GPBP1: variants seen among roughly 807,000 people sequenced by gnomAD.
GPBP1 encodes vasculin.
A neutral mutation model predicts 56.5 loss-of-function variants in GPBP1; 13 were observed. That is an observed-to-expected ratio of 0.23 (90% CI 0.15 to 0.37). The LOEUF (loss-of-function observed/expected upper bound fraction) is 0.37. Among genes scored for constraint, GPBP1 ranks in the 10% least tolerant of loss-of-function variants. The probability of loss-of-function intolerance (pLI) is 1.00; values close to 1 mark genes in which losing one functional copy is unlikely to be tolerated. For synonymous variants in GPBP1, 204 were observed against 188.9 expected (o/e 1.08, Z -0.66); for missense variants, 477 against 572.3 (o/e 0.83, Z 1.70).
At chr5:57,221,829 C>T (rs1272493580) in intron 3 of GPBP1, among the ~76,000 whole-genome samples, 2 of 152,128 alleles carry the variant, frequency 1.3e-5, no homozygotes, top group African/African-American at 4.8e-5. Flanking sequence ...CTAAAAGGAT[C>T]AGAAAATTCA....
At chr5:57,243,977 C>T (rs986082250) in intron 6 of GPBP1, among the ~76,000 whole-genome samples, 4 of 152,100 alleles carry the variant, frequency 2.6e-5, no homozygotes, top group African/African-American at 9.7e-5. Flanking sequence ...GCATGAGCCA[C>T]CACACCCAGC....
intron 2 of GPBP1, among the ~76,000 whole-genome samples, chr5:57,196,941 C>T (rs1754790669): frequency 6.6e-6 from 1 of 152,000 alleles, no homozygotes. Flanking sequence ...ACCACCATAC[C>T]TGGCTAATTT....
intron 5 of GPBP1, among the ~76,000 whole-genome samples, chr5:57,233,836 A>C (rs1403042856): frequency 6.6e-6 from 1 of 152,230 alleles, no homozygotes; most frequent in Non-Finnish European, 1.5e-5. Flanking sequence ...GGGAATGGTA[A>C]TAGTACTCTC....
chr5:57,189,686 TAAA>T (rs1342636004), intron 2 of GPBP1, among the ~76,000 whole-genome samples: 4 of 152,252 alleles, frequency 2.6e-5, no homozygotes, highest in East Asian at 1.9e-4. Context: ...TTATTGTGCT[TAAA>T]ACCCTTTAAT....
At chr5:57,239,716 T>G (rs11748841) in intron 6 of GPBP1, among the ~76,000 whole-genome samples, 152,321 of 152,324 alleles carry the variant, frequency 1, 76,159 homozygotes, top group Middle Eastern at 1. Flanking sequence ...GGAGGCAGAG[T>G]TTGCAGTGAG....
At chr5:57,228,067 C>T (rs1756273810) in intron 3 of GPBP1, among the ~76,000 whole-genome samples, 1 of 152,130 alleles carries the variant, frequency 6.6e-6, no homozygotes, top group Non-Finnish European at 1.5e-5. Context: ...AGACTTAAGG[C>T]TTTAAAAAAT....
chr5:57,181,360 G>A (rs187877599), intron 2 of GPBP1, among the ~76,000 whole-genome samples: 145 of 151,610 alleles, frequency 9.6e-4, no homozygotes, highest in Middle Eastern at 3.4e-3. Context: ...TTAAAGAGAT[G>A]AGGCCGGATG....
chr5:57,222,179 C>T (rs769668991), intron 3 of GPBP1, among the ~76,000 whole-genome samples: 4 of 152,016 alleles, frequency 2.6e-5, no homozygotes, highest in South Asian at 2.1e-4. Context: ...GAAAGAAAGG[C>T]AGTGTAAGAG....
At chr5:57,237,447 A>G (rs1185696946) in intron 6 of GPBP1, 4 of 371,686 alleles carry the variant, frequency 1.1e-5, no homozygotes, top group South Asian at 8.7e-5. Flanking sequence ...ATGTATTAAT[A>G]TGAAGATTTT....
At chr5:57,223,185 G>T (rs1445380259) in intron 3 of GPBP1, among the ~76,000 whole-genome samples, 1 of 151,972 alleles carries the variant, frequency 6.6e-6, no homozygotes, top group Non-Finnish European at 1.5e-5. Context: ...TGTTACCCAG[G>T]CTGGTCTTGA....
At chr5:57,254,712 G>A (rs1478056003) in intron 10 of GPBP1, among the ~76,000 whole-genome samples, 1 of 150,518 alleles carries the variant, frequency 6.6e-6, no homozygotes, top group East Asian at 1.9e-4. Context: ...AAAAAAAAGA[G>A]TAAGTTTTGT....
At position 57,250,811 on chromosome 5, in the gene GPBP1, C is replaced by G. The variant is rs202211778; in HGVS notation, c.973-143C>G. 6.9e-6 allele frequency: 4 copies of G among 575,766 alleles called. No individual in the cohort carries two copies. The East Asian group carries it at 1.3e-4, about 19-fold the overall frequency. The allele number at this position is 575,766 out of a possible 1,614,324, so 35.7% of individuals were successfully genotyped here. A position where few individuals can be genotyped will look rare whatever the true frequency, so the allele number is the denominator to read the frequency against. On this transcript the variant is annotated intron_variant, in intron 9 of 11. Transcript: ENST00000506184. ...CCACCCGCCTTGGCCTTCCAAAGTG[C>G]TGGGATTACAGGGGTGAGCCACTGC...
At chr5:57,208,722 T>C (rs1755348532) in intron 2 of GPBP1, among the ~76,000 whole-genome samples, 1 of 150,238 alleles carries the variant, frequency 6.7e-6, no homozygotes, top group African/African-American at 2.5e-5. Context: ...AATGGCGTGA[T>C]CTCGGCTCAC....
intron 2 of GPBP1, among the ~76,000 whole-genome samples, chr5:57,212,596 C>T (rs752504828): frequency 7.9e-5 from 12 of 152,094 alleles, no homozygotes; most frequent in Admixed American, 4.6e-4. Context: ...TTTTCACTTA[C>T]ATTGCCAGTT....
intron 2 of GPBP1, among the ~76,000 whole-genome samples, chr5:57,203,811 A>T (rs1315131976): frequency 1.3e-5 from 2 of 152,204 alleles, no homozygotes; most frequent in African/African-American, 4.8e-5. Flanking sequence ...ATGCAGTTTC[A>T]TGTTTCAGAT....
In GPBP1 at chr5:57,246,442, T is replaced by C. The variant is rs1580070300; in HGVS notation, c.621T>C (p.Val207=). The C allele has an allele frequency of 1.9e-6, 3 of 1,613,020 alleles. No homozygotes were observed. The highest frequency in any genetic ancestry group is 2.7e-5 in the African/African-American group (2 of 74,872). The change falls in exon 7 of 12, where the codon GTT becomes GTC. Residue 207 remains valine, a synonymous_variant. Coordinates refer to ENST00000506184, the MANE Select transcript of GPBP1 (RefSeq NM_022913.4). ...TTAAGAATGGAACTGGTCCAAGTGTTTATAAAGGTTTAGTCCCTAAACCTG... is the reference window on the plus strand; with the variant it reads ...TTAAGAATGGAACTGGTCCAAGTGTCTATAAAGGTTTAGTCCCTAAACCTG... The part of the protein sequence containing the change: ...QPVKNGTGPS[V]YKGLVPKPAA...
chr5:57,233,815 AAAC>A (rs1756559301), intron 5 of GPBP1, among the ~76,000 whole-genome samples: 1 of 152,242 alleles, frequency 6.6e-6, no homozygotes, highest in Non-Finnish European at 1.5e-5. Context: ...TCAACTGTAT[AAAC>A]AAACTCTGGG....
chr5:57,251,194 ATAT>A, intron 10 of GPBP1, 53 bp downstream of exon 10: 9 of 1,428,248 alleles, frequency 6.3e-6, no homozygotes, highest in Non-Finnish European at 8.6e-6. Context: ...CGAGATTTCA[ATAT>A]TATAGAGTTT....
intron 10 of GPBP1, among the ~76,000 whole-genome samples, chr5:57,256,727 C>CA (rs1741679721): frequency 6.6e-6 from 1 of 152,076 alleles, no homozygotes; most frequent in East Asian, 1.9e-4. Context: ...GATCCTAAGA[C>CA]AAGTAAAGGG....
Sources: allele counts gnomAD v4.1 joint callset (sites outside exome capture counted in the v4.1 genomes callset), GRCh38; gene constraint gnomAD v4.1.1; transcripts MANE v1.5; gene names NCBI Gene and HGNC (gene_info 2026-07-23, HGNC 2026-07-21).